UNC13A: variants seen among roughly 807,000 people sequenced by gnomAD.
The protein encoded by UNC13A is protein unc-13 homolog A.
In UNC13A, 61 loss-of-function variants were observed where a neutral mutation model predicts 219.7. The observed-to-expected ratio is 0.28, with a 90% confidence interval of 0.23 to 0.34. UNC13A has a LOEUF of 0.34. Among genes scored for constraint, UNC13A ranks in the 10% least tolerant of loss-of-function variants. The pLI is 1.00. For missense variants in UNC13A, 1,476 were observed against 2,270.3 expected (o/e 0.65, Z 7.11); for synonymous variants, 920 against 884.6 (o/e 1.04, Z -0.71).
intron 10 of UNC13A, 142 bp downstream of exon 10, chr19:17,655,741 C>T: frequency 7.0e-7 from 1 of 1,419,874 alleles, no homozygotes; most frequent in South Asian, 1.6e-5. Flanking sequence ...TGCCCTGTCA[C>T]CTCTGATCCC....
intron 3 of UNC13A, among the ~76,000 whole-genome samples, chr19:17,673,013 G>A (rs1452024035): frequency 6.6e-6 from 1 of 152,178 alleles, no homozygotes; most frequent in East Asian, 1.9e-4. Context: ...TTGGTGAAAT[G>A]TGAGATTCAC....
chr19:17,653,505 A>G (rs1235096359), intron 11 of UNC13A, among the ~76,000 whole-genome samples: 1 of 151,388 alleles, frequency 6.6e-6, no homozygotes, highest in East Asian at 1.9e-4. Context: ...CCACCACCAC[A>G]CCCAATTAAT....
At position 17,623,421 on chromosome 19, in the gene UNC13A, G is replaced by A. The variant is rs1040063905; in HGVS notation, c.4203+121C>T. On this transcript the variant is annotated intron_variant, in intron 36 of 43. Coordinates refer to ENST00000519716, the MANE Select transcript of UNC13A (RefSeq NM_001080421.3). ...AGACACAGGCACATCTAGGCGGGAG[G>A]GAGGATGGTGGGTGAGGAGGGGGCG... The A allele has an allele frequency of 1.7e-5, 13 of 747,278 alleles. No individual in the cohort carries two copies. The East Asian group carries it at 3.4e-4, about 20-fold the overall frequency. 46.3% of individuals were successfully genotyped at this position (747,278 alleles called of 1,614,324 possible).
chr19:17,670,315 A>G (rs2079761269), intron 4 of UNC13A, among the ~76,000 whole-genome samples: 1 of 151,718 alleles, frequency 6.6e-6, no homozygotes, highest in South Asian at 2.1e-4. Flanking sequence ...ATCTCAGCTC[A>G]CTGCAACCTC....
chr19:17,639,962 A>G (rs2076950920), intron 22 of UNC13A, 54 bp from the exon 23 acceptor site: 1 of 1,570,154 alleles, frequency 6.4e-7, no homozygotes, highest in African/African-American at 1.4e-5. Flanking sequence ...TGGCCGCCAT[A>G]GTGGCTGAGC....
chr19:17,623,567 C>A lies in UNC13A; in HGVS notation c.4198-20G>T, dbSNP rs759217228. ...GATCATCTGTCATCCGTGATGGGGG[C>A]GGGGCGGTGGGGGAGGGGGGAATAA... is the stretch of plus-strand genomic sequence containing the variant. On this transcript the variant is annotated intron_variant, in intron 35 of 43. Coordinates refer to ENST00000519716, the MANE Select transcript of UNC13A (RefSeq NM_001080421.3). 9.6e-5 allele frequency: 26 copies of A among 271,936 alleles called. No homozygotes were observed. The highest frequency in any genetic ancestry group is 1.6e-4 in the Non-Finnish European group (25 of 156,228). 16.8% of individuals were successfully genotyped at this position (271,936 alleles called of 1,614,324 possible).
At chr19:17,630,393 C>A (rs571570833) in intron 29 of UNC13A, 105 bp from the exon 30 acceptor site, 2 of 1,495,704 alleles carry the variant, frequency 1.3e-6, no homozygotes, top group Admixed American at 2.2e-5. Context: ...CCAATTTCCC[C>A]GGGGTGAGAT....
chr19:17,622,779 G>A (rs1169930972), intron 36 of UNC13A: 1 of 152,994 alleles, frequency 6.5e-6, no homozygotes, highest in East Asian at 1.9e-4. Context: ...ACTGAGATGA[G>A]TATTTTAATG....
At chr19:17,639,768 T>C in intron 23 of UNC13A, 72 bp downstream of exon 23, 1 of 1,560,486 alleles carries the variant, frequency 6.4e-7, no homozygotes, top group Non-Finnish European at 8.8e-7. Flanking sequence ...TGCACACACC[T>C]GCTGGTAGCT....
In UNC13A at chr19:17,627,498, GA is replaced by G. The variant is rs1171116400; in HGVS notation, c.3920+10del. 1.3e-6 allele frequency: 2 copies of G among 1,552,720 alleles called. No homozygotes were observed. The highest frequency in any genetic ancestry group is 1.7e-6 in the Non-Finnish European group (2 of 1,146,740). ...CCTCCCCACTGCCCCCAGCCCTGGAGATGCTCCCACCTGGTAGCAAACACCC... is the reference window on the plus strand; with the variant it reads ...CCTCCCCACTGCCCCCAGCCCTGGAGTGCTCCCACCTGGTAGCAAACACCC... On this transcript the variant is annotated intron_variant, in intron 33 of 43. Transcript: ENST00000519716. The surrounding 1 kb of genome is among the most constrained non-coding windows in gnomAD (Gnocchi z 4.7).
At position 17,624,845 on chromosome 19, in the gene UNC13A, G is replaced by A; in HGVS notation, c.4181C>T (p.Pro1394Leu). The change falls in exon 35 of 44, where the codon CCC (proline) becomes CTC (leucine). Residue 1394 changes from proline (P) to leucine (L), a missense_variant. Coordinates refer to ENST00000519716, the MANE Select transcript of UNC13A (RefSeq NM_001080421.3). ...AGGTCTCACCGTCTGGTCAGTGAGG[G>A]GCGGCAGGACGATGGTTTTCTCCAT... The part of the protein sequence containing the change: ...NTMEKTIVLP[P>L]LTDQTMIGNL... 1 of 1,613,684 alleles carries A rather than the reference G, an allele frequency of 6.2e-7. No homozygotes were observed. The highest frequency in any genetic ancestry group is 8.5e-7 in the Non-Finnish European group (1 of 1,179,676).
chr19:17,666,903 AGAG>A (rs1568268212), intron 6 of UNC13A, among the ~76,000 whole-genome samples, 199 bp from the exon 7 acceptor site: 5 of 71,952 alleles, frequency 6.9e-5, no homozygotes, highest in Non-Finnish European at 1.2e-4. Context: ...AGAGAGAGAG[AGAG>A]AGAGAAAGAC....
At chr19:17,687,673 C>T (rs1408031023) in intron 1 of UNC13A, among the ~76,000 whole-genome samples, 1 of 152,096 alleles carries the variant, frequency 6.6e-6, no homozygotes, top group Admixed American at 6.6e-5. Context: ...AGCCCCTCTA[C>T]CTATATCTTA....
At chr19:17,647,222 G>C (rs900857726) in intron 17 of UNC13A, 43 bp downstream of exon 17, 1 of 1,518,948 alleles carries the variant, frequency 6.6e-7, no homozygotes, top group East Asian at 2.5e-5. Flanking sequence ...AGGTCTCAGA[G>C]GGTGGAGAAG....
In UNC13A at chr19:17,663,529, T is replaced by G; in HGVS notation, c.559+3A>C. The G allele has an allele frequency of 6.2e-7, 1 of 1,612,906 alleles. No homozygotes were observed. The highest frequency in any genetic ancestry group is 8.5e-7 in the Non-Finnish European group (1 of 1,179,526). On this transcript the variant is annotated splice_donor_region_variant and intron_variant, in intron 8 of 43. Coordinates refer to ENST00000519716, the MANE Select transcript of UNC13A (RefSeq NM_001080421.3). Reference sequence around the variant, plus strand: ...CAGAACATCAATCAGGCTGAGTACTTACTGTGCTGCTCACCCCAGCCAAAA... The same window carrying G: ...CAGAACATCAATCAGGCTGAGTACTGACTGTGCTGCTCACCCCAGCCAAAA...
Position 17,655,944 on chromosome 19 carries a change from G to C in UNC13A, c.1222C>G (p.Pro408Ala). Residue 408 changes from proline to alanine, a missense_variant, in exon 10 of 44, where the codon CCC becomes GCC. Physicochemically the swap from Pro to Ala is conservative, Grantham distance 27. This residue lies in a region of UNC13A where 351 missense variants were observed against 342.6 expected (regional missense o/e 1.02). Coordinates refer to ENST00000519716, the MANE Select transcript of UNC13A (RefSeq NM_001080421.3). ...TGCTCAGCTGCAGGCACCTTGTCGG[G>C]CGTGGCTGGCTTGGGGGCCACCTTG... is the stretch of plus-strand genomic sequence containing the variant. ...MAKVAPKPAT[P>A]DKVPAAEQIP... The C allele has an allele frequency of 6.5e-7, 1 of 1,544,542 alleles. No individual in the cohort carries two copies. Among genetic ancestry groups the C allele is most frequent in the South Asian group, 1.3e-5 (1 of 79,540 alleles).
chr19:17,636,184 T>C, intron 25 of UNC13A, 27 bp from the exon 26 acceptor site: 1 of 1,567,882 alleles, frequency 6.4e-7, no homozygotes, highest in Non-Finnish European at 8.7e-7. Flanking sequence ...AGACCTCGGT[T>C]ATAGGGGGTC....
rs1180859679 is a variant in UNC13A, at chr19:17,656,078, T to A, written c.1088A>T (p.Asp363Val). ...DDLGSYAQRE[D>V]VAVAEPKDFK... ...GTCTTTGGGCTCAGCCACAGCTACG[T>A]CTTCACGCTGGGCATAGCTGCCCAA... Residue 363 changes from aspartate (D) to valine (V), a missense_variant, in exon 10 of 44, where the codon GAC (aspartate) becomes GTC (valine). Asp to Val is a radical substitution (Grantham distance 152, BLOSUM62 -3). Around this residue, in one of 14 missense-constraint regions of UNC13A, gnomAD observed 351 missense variants for 342.6 expected, o/e 1.02. Coordinates refer to ENST00000519716, the MANE Select transcript of UNC13A (RefSeq NM_001080421.3). 6.4e-7 allele frequency: 1 copy of A among 1,553,752 alleles called. No homozygotes were observed. Among genetic ancestry groups the A allele is most frequent in the Non-Finnish European group, 8.7e-7 (1 of 1,148,018 alleles).
In UNC13A at chr19:17,606,072, A is replaced by G; in HGVS notation, c.5094T>C (p.Gly1698=). 1 of 1,578,980 alleles carries G rather than the reference A, an allele frequency of 6.3e-7. No individual in the cohort carries two copies. The highest frequency in any genetic ancestry group is 8.6e-7 in the Non-Finnish European group (1 of 1,166,380). ...KSDTRSAEEG[G]AAPAP Reference sequence around the variant, plus strand: ...GCCCGCGCTAAGGCGCAGGCGCGGCACCGCCCTCCTCGGCGGAGCGCGTGT... The same window carrying G: ...GCCCGCGCTAAGGCGCAGGCGCGGCGCCGCCCTCCTCGGCGGAGCGCGTGT... The change falls in exon 44 of 44, where the codon GGT becomes GGC. Residue 1698 remains glycine, a synonymous_variant. Transcript: ENST00000519716.
Sources: allele counts gnomAD v4.1 joint callset (sites outside exome capture counted in the v4.1 genomes callset), GRCh38; gene constraint gnomAD v4.1.1; regional missense constraint gnomAD v4.1.1; non-coding constraint Gnocchi (gnomAD v3.1); transcripts MANE v1.5; gene names NCBI Gene and HGNC (gene_info 2026-07-23, HGNC 2026-07-21).